Variants in IGF2BP1 observed in about 807,000 individuals in gnomAD.
IGF2BP1 encodes insulin-like growth factor 2 mRNA-binding protein 1.
In IGF2BP1, 11 loss-of-function variants were observed where a neutral mutation model predicts 74.9. The observed-to-expected ratio is 0.15, with a 90% confidence interval of 0.09 to 0.24. IGF2BP1 has a LOEUF of 0.24. IGF2BP1 is among the 10% of genes least tolerant of loss of function. The pLI is 1.00. For synonymous variants in IGF2BP1, 287 were observed against 281.8 expected, an observed-to-expected ratio of 1.02 and a Z score of -0.18; for missense variants, 440 against 757.4, an observed-to-expected ratio of 0.58 and a Z score of 4.92.
chr17:49,037,173 C>A, intron 5 of IGF2BP1: 2 of 461,382 alleles, frequency 4.3e-6, no homozygotes, highest in Non-Finnish European at 8.3e-6. Context: ...TGTTTGGATC[C>A]CTAAAATAAT....
rs567377062 is a variant in IGF2BP1, at chr17:49,007,171, C to T, written c.236+8002C>T. Among the ~76,000 whole-genome samples, 3 of 152,248 alleles carry T rather than the reference C, an allele frequency of 2.0e-5. No homozygotes were observed. In the East Asian group the frequency reaches 5.8e-4, roughly 29 times the overall value. ...AAATGAGAGTGACCTCCCCCATCTG[C>T]TGGGATGGGTATGTTCATTTTCATG... On this transcript the variant is annotated intron_variant, in intron 2 of 14. Coordinates refer to ENST00000290341, the MANE Select transcript of IGF2BP1 (RefSeq NM_006546.4).
At chr17:48,997,122 T>G (rs917471056), upstream of IGF2BP1, among the ~76,000 whole-genome samples, 195 of 146,350 alleles carry the variant, frequency 1.3e-3, no homozygotes, top group African/African-American at 4.8e-3. This position sits in a 1 kb window ranked among gnomAD's most constrained non-coding sequence, Gnocchi z 4.8. Flanking sequence ...CAGTTTGGGC[T>G]GGGGTAGGGG....
chr17:49,009,214 A>C (rs2041587015), intron 2 of IGF2BP1, among the ~76,000 whole-genome samples: 1 of 151,832 alleles, frequency 6.6e-6, no homozygotes, highest in African/African-American at 2.4e-5. Flanking sequence ...TTTTTAGTGG[A>C]GATGGGGGTT....
At chr17:49,042,908 TC>T (rs1344014933) in intron 9 of IGF2BP1, among the ~76,000 whole-genome samples, 1 of 152,126 alleles carries the variant, frequency 6.6e-6, no homozygotes, top group Non-Finnish European at 1.5e-5. Flanking sequence ...GGTCTAGAAC[TC>T]CTGGGCTCAA....
At chr17:49,008,762 A>T (rs928295541) in intron 2 of IGF2BP1, among the ~76,000 whole-genome samples, 1 of 152,120 alleles carries the variant, frequency 6.6e-6, no homozygotes, top group East Asian at 1.9e-4. Flanking sequence ...AAAATAACTT[A>T]AAAAATATAT....
intron 9 of IGF2BP1, among the ~76,000 whole-genome samples, chr17:49,043,142 GAA>G (rs1293009944): frequency 2.6e-5 from 4 of 152,172 alleles, no homozygotes; most frequent in Non-Finnish European, 4.4e-5. Flanking sequence ...CCAGCAGTCT[GAA>G]CAGCCAGAGA....
intron 2 of IGF2BP1, among the ~76,000 whole-genome samples, chr17:49,024,789 A>G (rs1465466017): frequency 1.3e-5 from 2 of 152,240 alleles, no homozygotes; most frequent in East Asian, 3.8e-4. Flanking sequence ...AATTGTGAAC[A>G]CCTTCAACCA....
intron 6 of IGF2BP1, among the ~76,000 whole-genome samples, chr17:49,039,371 C>T (rs564515502): frequency 6.6e-6 from 1 of 152,284 alleles, no homozygotes; most frequent in African/African-American, 2.4e-5. Flanking sequence ...ATTCCCACCC[C>T]TGCATTTGTG....
chr17:49,033,697 C>T (rs1194787619), intron 5 of IGF2BP1, among the ~76,000 whole-genome samples: 1 of 152,072 alleles, frequency 6.6e-6, no homozygotes, highest in Non-Finnish European at 1.5e-5. Context: ...ATGCTTGTGC[C>T]CTCCCTTCAA....
At chr17:49,003,899 G>C (rs1016625796) in intron 2 of IGF2BP1, among the ~76,000 whole-genome samples, 2 of 152,022 alleles carry the variant, frequency 1.3e-5, no homozygotes, top group Non-Finnish European at 2.9e-5. Context: ...GGTCGGAGAC[G>C]GGTGGTAGAC....
rs1346011497 is a variant in IGF2BP1, at chr17:48,997,732, C to T, written c.-14C>T. On this transcript the variant is annotated 5_prime_UTR_variant, in exon 1 of 15. Coordinates refer to ENST00000290341, the MANE Select transcript of IGF2BP1 (RefSeq NM_006546.4). This position sits in a 1 kb window ranked among gnomAD's most constrained non-coding sequence, Gnocchi z 4.8. ...GCCTTGCCCGGGACCGCGTCCTGCCCCGAGACCGCCACCATGAACAAGCTT... is the reference window on the plus strand; with the variant it reads ...GCCTTGCCCGGGACCGCGTCCTGCCTCGAGACCGCCACCATGAACAAGCTT... 3 of 1,610,884 alleles carry T rather than the reference C, an allele frequency of 1.9e-6. No individual in the cohort carries two copies. The highest frequency in any genetic ancestry group is 2.2e-5 in the East Asian group (1 of 44,782).
chr17:49,025,418 C>A (rs942817608), intron 2 of IGF2BP1, among the ~76,000 whole-genome samples, 200 bp from the exon 3 acceptor site: 3 of 149,876 alleles, frequency 2.0e-5, no homozygotes, highest in African/African-American at 4.9e-5. Context: ...TGGTAGCATC[C>A]ATGATAATTT....
chr17:49,049,574 A>G lies in IGF2BP1; in HGVS notation c.*130A>G. On this transcript the variant is annotated 3_prime_UTR_variant, in exon 15 of 15. Coordinates refer to ENST00000290341, the MANE Select transcript of IGF2BP1 (RefSeq NM_006546.4). ...GCCGGGCTGTAGATCAGGTTTGCCCACTTGATTGAGAAAGATGTTCCAGTG... is the reference window on the plus strand; with the variant it reads ...GCCGGGCTGTAGATCAGGTTTGCCCGCTTGATTGAGAAAGATGTTCCAGTG... 1.4e-6 allele frequency: 1 copy of G among 710,122 alleles called. No individual in the cohort carries two copies. 44.0% of individuals were successfully genotyped at this position (710,122 alleles called of 1,614,324 possible). A position where few individuals can be genotyped will look rare whatever the true frequency, so the allele number is the denominator to read the frequency against.
At chr17:48,998,016 C>T in intron 1 of IGF2BP1, 96 bp downstream of exon 1, 1 of 1,428,642 alleles carries the variant, frequency 7.0e-7, no homozygotes, top group Middle Eastern at 2.5e-4. Flanking sequence ...CTCCTCTCTT[C>T]CCGGGCCTGC....
rs1250904450 is a variant in IGF2BP1, at chr17:49,038,215, A to G, written c.449A>G (p.Lys150Arg). The G allele has an allele frequency of 3.2e-6, 5 of 1,549,040 alleles. No individual in the cohort carries two copies. The highest frequency in any genetic ancestry group is 3.5e-6 in the Non-Finnish European group (4 of 1,144,680). Residue 150 changes from lysine (K) to arginine (R), a missense_variant, in exon 6 of 15, where the codon AAG (lysine) becomes AGG (arginine). Lys to Arg is a conservative substitution (Grantham distance 26). This residue lies in a region of IGF2BP1 where 105 missense variants were observed against 199.4 expected (regional missense o/e 0.53). Coordinates refer to ENST00000290341, the MANE Select transcript of IGF2BP1 (RefSeq NM_006546.4). ...CACCAGTTGGAGAACCATGCCCTGA[A>G]GGTCTCCTACATCCCCGATGAGCAG... is the stretch of plus-strand genomic sequence containing the variant. ...NGHQLENHAL[K>R]VSYIPDEQIA...
chr17:49,014,628 G>A, intron 2 of IGF2BP1: 1 of 294,768 alleles, frequency 3.4e-6, no homozygotes, highest in Non-Finnish European at 5.0e-6. Flanking sequence ...CCAGGAAGAA[G>A]CCAGCTGCAG....
At chr17:49,034,851 T>C (rs2041969259) in intron 5 of IGF2BP1, among the ~76,000 whole-genome samples, 1 of 152,110 alleles carries the variant, frequency 6.6e-6, no homozygotes, top group Non-Finnish European at 1.5e-5. Context: ...CCAGACTTAA[T>C]AGGTGTAAAA....
chr17:49,012,352 T>A (rs1356196085), intron 2 of IGF2BP1: 2 of 152,206 alleles, frequency 1.3e-5, no homozygotes, highest in African/African-American at 4.8e-5. Context: ...GGGTTAGAAC[T>A]TACGTGTCAG....
At chr17:49,019,705 A>C (rs1044415003) in intron 2 of IGF2BP1, among the ~76,000 whole-genome samples, 4 of 149,528 alleles carry the variant, frequency 2.7e-5, no homozygotes, top group African/African-American at 1.0e-4. Context: ...TAAAAGATTG[A>C]CAACAGGAGT....
Sources: allele counts gnomAD v4.1 joint callset (sites outside exome capture counted in the v4.1 genomes callset), GRCh38; gene constraint gnomAD v4.1.1; regional missense constraint gnomAD v4.1.1; non-coding constraint Gnocchi (gnomAD v3.1); transcripts MANE v1.5; gene names NCBI Gene and HGNC (gene_info 2026-07-23, HGNC 2026-07-21).